Variants in CFI observed in about 807,000 individuals in gnomAD.
The protein encoded by CFI is complement factor I.
Under a neutral mutation model 78.8 loss-of-function variants are expected in CFI, and 66 were observed. That is an observed-to-expected ratio of 0.84 (90% CI 0.69 to 1.03). The LOEUF (loss-of-function observed/expected upper bound fraction) is 1.03, where lower values mean the gene tolerates loss of function less well. Ranked by LOEUF, CFI falls within the 50% of genes least tolerant of loss-of-function variation. The pLI, the probability that CFI is intolerant of heterozygous loss-of-function variation, is 0.00. For synonymous variants in CFI, 250 were observed against 232.6 expected (o/e 1.07, Z -0.68); for missense variants, 706 against 704.5 (o/e 1.00, Z -0.02).
intron 1 of CFI, among the ~76,000 whole-genome samples, chr4:109,779,347 A>G (rs1170943018): frequency 6.6e-6 from 1 of 152,172 alleles, no homozygotes; most frequent in East Asian, 1.9e-4. Context: ...GAACAGACGC[A>G]CAGAGAGCCA....
chr4:109,749,617 G>C lies in CFI; in HGVS notation c.941-15C>G. The C allele has an allele frequency of 6.8e-7, 1 of 1,481,188 alleles. No individual in the cohort carries two copies. The highest frequency in any genetic ancestry group is 9.4e-7 in the Non-Finnish European group (1 of 1,059,178). 91.8% of individuals were successfully genotyped at this position (1,481,188 alleles called of 1,614,324 possible). On this transcript the variant is annotated splice_polypyrimidine_tract_variant and intron_variant, in intron 8 of 12. Coordinates refer to ENST00000394634, the MANE Select transcript of CFI (RefSeq NM_000204.5). ...CCGTCTTCTTTCTTCAAGAAAGGAA[G>C]AGATTACATCATTATTATCTTGAAC... is the stretch of plus-strand genomic sequence containing the variant.
intron 8 of CFI, 62 bp downstream of exon 8, chr4:109,752,406 T>A (rs1278598613): frequency 1.4e-6 from 2 of 1,445,610 alleles, no homozygotes; most frequent in Non-Finnish European, 1.9e-6. Flanking sequence ...TATATGCAAA[T>A]GACACTGAAA....
chr4:109,740,661 T>C, downstream of CFI: 1 of 555,696 alleles, frequency 1.8e-6, no homozygotes, highest in Non-Finnish European at 3.2e-6. Flanking sequence ...CGCATTGAGA[T>C]AATTTAATAA....
rs1201097860 is a variant in CFI, at chr4:109,756,961, GAA to G, written c.904+800_904+801del. On this transcript the variant is annotated intron_variant, in intron 7 of 12. Coordinates refer to ENST00000394634, the MANE Select transcript of CFI (RefSeq NM_000204.5). ...AGAAAGAAAGAAAGAAAGAAAGAAA[GAA>G]AGAAAGAAAGAAAGAAATTCTGAGG... Among the ~76,000 whole-genome samples the G allele has an allele frequency of 5.3e-5, 7 of 133,112 alleles. 1 individual carries two copies. Among genetic ancestry groups the G allele is most frequent in the African/African-American group, 1.6e-4 (6 of 36,728 alleles). 87.3% of individuals were successfully genotyped at this position (133,112 alleles called of 152,430 possible).
intron 1 of CFI, among the ~76,000 whole-genome samples, chr4:109,776,049 G>C (rs920128058): frequency 1.3e-5 from 2 of 152,104 alleles, no homozygotes; most frequent in Non-Finnish European, 2.9e-5. Flanking sequence ...GAGAAGAAAA[G>C]CTGAAAATTC....
chr4:109,764,722 T>C (rs919986212), intron 2 of CFI, 32 bp from the exon 3 acceptor site: 8 of 1,594,844 alleles, frequency 5.0e-6, no homozygotes, highest in African/African-American at 4.0e-5. Flanking sequence ...ATGTGCAATA[T>C]GTAGCCATTC....
In CFI at chr4:109,775,183, C is replaced by T. The variant is rs141390749; in HGVS notation, c.58-8359G>A. Among the ~76,000 whole-genome samples, 6 of 152,034 alleles carry T rather than the reference C, an allele frequency of 3.9e-5. No homozygotes were observed. The South Asian group carries it at 1.2e-3, about 31-fold the overall frequency. On this transcript the variant is annotated intron_variant, in intron 1 of 12. Coordinates refer to ENST00000394634, the MANE Select transcript of CFI (RefSeq NM_000204.5). ...GGCTTGTCAGACAGTGGGTACAGCC[C>T]ATGGAGCAGGGTGGGGCATCGCCTC...
At chr4:109,779,122 G>T (rs531028606) in intron 1 of CFI, among the ~76,000 whole-genome samples, 1 of 152,276 alleles carries the variant, frequency 6.6e-6, no homozygotes, top group East Asian at 1.9e-4. Context: ...AGTGTTGGAA[G>T]TTCTGAACAG....
chr4:109,741,101 T>C lies in CFI; in HGVS notation c.1544A>G (p.Asp515Gly), dbSNP rs1181440944. 1.9e-6 allele frequency: 3 copies of C among 1,614,026 alleles called. No homozygotes were observed. Among genetic ancestry groups the C allele is most frequent in the Admixed American group, 1.7e-5 (1 of 60,014 alleles). Reference sequence around the variant, plus strand: ...CCCTTTACAGGCATCGATGGAACCATCATATGTACCTAAGAAAGAAATGTG... The same window carrying C: ...CCCTTTACAGGCATCGATGGAACCACCATATGTACCTAAGAAAGAAATGTG... ...EKEMECAGTY[D>G]GSIDACKGDS... is the part of the protein sequence containing the mutation. Residue 515 changes from aspartate to glycine, a missense_variant, in exon 13 of 13, where the codon GAT (aspartate) becomes GGT (glycine). Coordinates refer to ENST00000394634, the MANE Select transcript of CFI (RefSeq NM_000204.5).
chr4:109,779,761 G>T (rs572304967), intron 1 of CFI, among the ~76,000 whole-genome samples: 1 of 152,092 alleles, frequency 6.6e-6, no homozygotes, highest in Non-Finnish European at 1.5e-5. Context: ...AACCAAAACA[G>T]CACAGTACTG....
At chr4:109,770,737 G>A (rs752092679) in intron 1 of CFI, among the ~76,000 whole-genome samples, 81 of 151,928 alleles carry the variant, frequency 5.3e-4, no homozygotes, top group Non-Finnish European at 1.0e-3. Context: ...GTCAAAGAGA[G>A]TGGGGAGAGG....
chr4:109,784,464 T>C (rs992593683), intron 1 of CFI, among the ~76,000 whole-genome samples: 5 of 152,054 alleles, frequency 3.3e-5, no homozygotes, highest in African/African-American at 1.2e-4. Context: ...ATTAAGGAAT[T>C]TTATGTGATC....
intron 12 of CFI, chr4:109,741,514 C>T (rs2126178870): frequency 4.3e-6 from 1 of 231,422 alleles, no homozygotes; most frequent in Non-Finnish European, 7.1e-6. Flanking sequence ...CATTATTGCC[C>T]CTATTTTATA....
chr4:109,778,959 A>G (rs1192205165), intron 1 of CFI, among the ~76,000 whole-genome samples: 1 of 152,178 alleles, frequency 6.6e-6, no homozygotes, highest in African/African-American at 2.4e-5. Context: ...CTCTCAATAA[A>G]CTAGGTATTG....
At chr4:109,760,802 T>C (rs1388346426) in intron 4 of CFI, among the ~76,000 whole-genome samples, 166 bp from the exon 5 acceptor site, 1 of 152,116 alleles carries the variant, frequency 6.6e-6, no homozygotes, top group Non-Finnish European at 1.5e-5. Flanking sequence ...ATACAGAAAA[T>C]AAAGGTCAAA....
At chr4:109,783,182 C>T (rs1730282193) in intron 1 of CFI, among the ~76,000 whole-genome samples, 1 of 152,060 alleles carries the variant, frequency 6.6e-6, no homozygotes, top group African/African-American at 2.4e-5. Context: ...ATAGCTGGGA[C>T]TTAATTAAAC....
chr4:109,742,642 T>C (rs1414808615), intron 11 of CFI, 47 bp from the exon 12 acceptor site: 4 of 1,108,376 alleles, frequency 3.6e-6, no homozygotes, highest in Non-Finnish European at 5.5e-6. Flanking sequence ...AAATGAGAAA[T>C]CTAAATACAT....
chr4:109,746,060 G>A (rs1724373945), intron 11 of CFI, among the ~76,000 whole-genome samples, 162 bp downstream of exon 11: 1 of 152,156 alleles, frequency 6.6e-6, no homozygotes, highest in Non-Finnish European at 1.5e-5. Flanking sequence ...CTGGGCAGCT[G>A]CACATGCTGC....
At chr4:109,734,286 G>A in the CFI span, among the ~76,000 whole-genome samples, 1 of 152,180 alleles carries the variant, frequency 6.6e-6, no homozygotes, top group Non-Finnish European at 1.5e-5. Context: ...AAGAACAAAG[G>A]CGCTTAAGAA....
Sources: gnomAD v4.1 joint callset for allele counts (sites outside exome capture counted in the v4.1 genomes callset) on GRCh38, gnomAD v4.1.1 for gene constraint, MANE v1.5 for transcripts, NCBI Gene and HGNC (gene_info 2026-07-23, HGNC 2026-07-21) for gene names.